Variants in PTPRN2 observed in about 807,000 individuals in gnomAD.
The protein encoded by PTPRN2 is receptor-type tyrosine-protein phosphatase N2.
In PTPRN2, 74 loss-of-function variants were observed where a neutral mutation model predicts 118.8. The observed-to-expected ratio is 0.62, with a 90% CI of 0.52 to 0.76. The LOEUF (loss-of-function observed/expected upper bound fraction) is 0.76. Ranked by LOEUF, PTPRN2 falls within the 30% of genes least tolerant of loss-of-function variation. PTPRN2 has a pLI of 0.00. For missense variants in PTPRN2, 1,481 were observed against 1,394.4 expected, an observed-to-expected ratio of 1.06 and a Z score of -0.99; for synonymous variants, 641 against 608.0, an observed-to-expected ratio of 1.05 and a Z score of -0.80.
Position 158,361,346 on chromosome 7 carries a change from T to TGGCAACCCACAGACTCC in PTPRN2, c.164-44415_164-44414insGGAGTCTGTGGGTTGCC, listed in dbSNP as rs1808934970. 1.8e-3 allele frequency among the ~76,000 whole-genome samples: 2 copies of TGGCAACCCACAGACTCC among 1,104 alleles called. 1 individual carries two copies. The highest frequency in any genetic ancestry group is 5.0e-3 in the African/African-American group (2 of 402). The allele number at this position is 1,104 out of a possible 152,430, so 0.7% of individuals were successfully genotyped here. On this transcript the variant is annotated intron_variant, in intron 2 of 22. Coordinates refer to ENST00000389418, the MANE Select transcript of PTPRN2 (RefSeq NM_002847.5). ...CTCACCTGGGACGACTCACAAACCC[T>TGGCAACCCACAGACTCC]ACGTCCACCCTCCCCCAGGATGACC...
chr7:157,976,529 C>G (rs1433751220), intron 11 of PTPRN2, among the ~76,000 whole-genome samples: 1 of 149,232 alleles, frequency 6.7e-6, no homozygotes, highest in African/African-American at 2.4e-5. Context: ...CAGCACCTTA[C>G]TGGAGCCTCC....
At chr7:157,932,280 G>T (rs994266497) in intron 11 of PTPRN2, among the ~76,000 whole-genome samples, 1 of 152,168 alleles carries the variant, frequency 6.6e-6, no homozygotes, top group Non-Finnish European at 1.5e-5. Context: ...GAACTTACAC[G>T]ATTTGTCTAC....
At chr7:157,914,072 C>A (rs11971893) in intron 11 of PTPRN2, among the ~76,000 whole-genome samples, 117 of 152,204 alleles carry the variant, frequency 7.7e-4, no homozygotes, top group African/African-American at 2.6e-3. Flanking sequence ...TTCATGATGA[C>A]CCCTTGTTAT....
rs1802327942 is a variant in PTPRN2, at chr7:157,764,420, G to T, written c.1789-81483C>A. Among the ~76,000 whole-genome samples the T allele has an allele frequency of 6.6e-6, 1 of 152,240 alleles. No individual in the cohort carries two copies. The highest frequency in any genetic ancestry group is 2.4e-5 in the African/African-American group (1 of 41,470). On this transcript the variant is annotated intron_variant, in intron 12 of 22. Transcript: ENST00000389418. The surrounding 1 kb of genome is among the most constrained non-coding windows in gnomAD (Gnocchi z 4.5). ...CACTGAAAAGGCAGAGATTTTGGATGCAGGCTACAACATGGATGAACCTTG... is the reference window on the plus strand; with the variant it reads ...CACTGAAAAGGCAGAGATTTTGGATTCAGGCTACAACATGGATGAACCTTG...
intron 12 of PTPRN2, among the ~76,000 whole-genome samples, chr7:157,685,388 G>A (rs1333571966): frequency 6.6e-6 from 1 of 152,050 alleles, no homozygotes; most frequent in Non-Finnish European, 1.5e-5. Flanking sequence ...CTGGTTCTGA[G>A]GGGGCGGCGG....
chr7:158,199,667 TG>T (rs201993379), intron 4 of PTPRN2, among the ~76,000 whole-genome samples: 27,816 of 151,998 alleles, frequency 0.18, 3,016 homozygotes, highest in Non-Finnish European at 0.25. Context: ...ACACATGGAG[TG>T]GAGAAAGCCA....
At chr7:158,306,749 T>C (rs1801316519) in intron 3 of PTPRN2, among the ~76,000 whole-genome samples, 1 of 152,204 alleles carries the variant, frequency 6.6e-6, no homozygotes, top group Non-Finnish European at 1.5e-5. Context: ...TTTTGAGGCA[T>C]TCAAAGAAAC....
chr7:158,468,403 C>A (rs564126885), intron 2 of PTPRN2, among the ~76,000 whole-genome samples: 1 of 152,234 alleles, frequency 6.6e-6, no homozygotes, highest in Non-Finnish European at 1.5e-5. Flanking sequence ...ATCCTCAACT[C>A]TGATAGCACA....
At position 158,563,232 on chromosome 7, in the gene PTPRN2, G is replaced by C. The variant is rs1827490722; in HGVS notation, c.112+24326C>G. ...AGTTTGCAGCTCGAGACCTTGTCCA[G>C]GGTCCTAAAATGGCTTCTTGGAAAA... On this transcript the variant is annotated intron_variant, in intron 1 of 22. Transcript: ENST00000389418. This position sits in a 1 kb window ranked among gnomAD's most constrained non-coding sequence, Gnocchi z 5.1. Among the ~76,000 whole-genome samples, 1 of 152,198 alleles carries C rather than the reference G, an allele frequency of 6.6e-6. No individual in the cohort carries two copies. Among genetic ancestry groups the C allele is most frequent in the African/African-American group, 2.4e-5 (1 of 41,436 alleles).
chr7:158,440,806 ATGGTGGTAG>A (rs1198287373), intron 2 of PTPRN2, among the ~76,000 whole-genome samples: 1 of 43,998 alleles, frequency 2.3e-5, no homozygotes, highest in Admixed American at 2.4e-4. Context: ...GGTAGTGGTG[ATGGTGGTAG>A]TAGTAGTGGT....
Position 158,104,505 on chromosome 7 carries a change from C to T in PTPRN2, c.1643+6324G>A, listed in dbSNP as rs34156329. On this transcript the variant is annotated intron_variant, in intron 10 of 22. Coordinates refer to ENST00000389418, the MANE Select transcript of PTPRN2 (RefSeq NM_002847.5). ...AGGAGATGAAGACTATAGGGCTCAC[C>T]TAGGCAGGGACAGAGAGGAGAACAG... Among the ~76,000 whole-genome samples the T allele has an allele frequency of 2.0e-5, 3 of 152,092 alleles. No individual in the cohort carries two copies. In the East Asian group the frequency reaches 5.8e-4, roughly 29 times the overall value.
chr7:158,338,207 C>G (rs1290998148), intron 2 of PTPRN2, among the ~76,000 whole-genome samples: 1 of 62,812 alleles, frequency 1.6e-5, no homozygotes, highest in Non-Finnish European at 3.1e-5. Flanking sequence ...AGACGTCACT[C>G]ACACCCACAC....
intron 11 of PTPRN2, among the ~76,000 whole-genome samples, chr7:157,978,159 C>G (rs1170055623): frequency 6.6e-6 from 1 of 151,998 alleles, no homozygotes; most frequent in East Asian, 1.9e-4. Flanking sequence ...AACCAGCTCT[C>G]AGGTGTGTTT....
intron 12 of PTPRN2, chr7:157,866,197 C>T (rs982566329): frequency 2.0e-5 from 3 of 152,210 alleles, no homozygotes; most frequent in Admixed American, 6.5e-5. Flanking sequence ...TTCTAGGCCC[C>T]ACCATGAGCC....
rs530778568 is a variant in PTPRN2 at position 158,140,334 on chromosome 7, A to G, written c.911-1819T>C. ...TCTTTTCCAAAAGGACATCTTCCGTATTACCCAGAAATTGGACTCGTAAGT... is the reference window on the plus strand; with the variant it reads ...TCTTTTCCAAAAGGACATCTTCCGTGTTACCCAGAAATTGGACTCGTAAGT... On this transcript the variant is annotated intron_variant, in intron 6 of 22. Coordinates refer to ENST00000389418, the MANE Select transcript of PTPRN2 (RefSeq NM_002847.5). 2.6e-4 allele frequency among the ~76,000 whole-genome samples: 40 copies of G among 152,326 alleles called. 1 individual carries two copies. The South Asian group carries it at 7.7e-3, about 29-fold the overall frequency.
At chr7:158,366,665 G>A (rs1809553677) in intron 2 of PTPRN2, among the ~76,000 whole-genome samples, 1 of 151,944 alleles carries the variant, frequency 6.6e-6, no homozygotes, top group African/African-American at 2.4e-5. Context: ...GCGGACCATG[G>A]GTGGTTCTTC....
At chr7:158,159,937 A>T (rs200220522) in intron 6 of PTPRN2, among the ~76,000 whole-genome samples, 1 of 149,250 alleles carries the variant, frequency 6.7e-6, no homozygotes, top group Non-Finnish European at 1.5e-5. Context: ...AAATAGTGAA[A>T]TCCCCAAATA....
intron 12 of PTPRN2, among the ~76,000 whole-genome samples, chr7:157,842,603 T>C (rs140681956): frequency 0.022 from 3,281 of 151,946 alleles, 47 homozygotes; most frequent in Non-Finnish European, 0.031. Flanking sequence ...TTAGTAGAGA[T>C]GGGGTTTCAC....
At chr7:158,416,231 T>C (rs1013682727) in intron 2 of PTPRN2, among the ~76,000 whole-genome samples, 5 of 152,204 alleles carry the variant, frequency 3.3e-5, no homozygotes, top group African/African-American at 1.2e-4. Context: ...CTTCACTCCA[T>C]AGTCAGCCAG....
Sources: allele counts gnomAD v4.1 joint callset (sites outside exome capture counted in the v4.1 genomes callset), GRCh38; gene constraint gnomAD v4.1.1; non-coding constraint Gnocchi (gnomAD v3.1); transcripts MANE v1.5; gene names NCBI Gene and HGNC (gene_info 2026-07-23, HGNC 2026-07-21).